HAGH: variants seen among roughly 807,000 people sequenced by gnomAD.
The protein encoded by HAGH is hydroxyacylglutathione hydrolase, also known as hydroxyacylglutathione hydrolase, mitochondrial.
In HAGH, 29 loss-of-function variants were observed where a neutral mutation model predicts 35.1. The observed-to-expected ratio is 0.83, with a 90% CI of 0.62 to 1.13. The LOEUF is 1.13. Among genes scored for constraint, HAGH ranks in the 50% most tolerant of loss-of-function variants. The pLI, the probability that HAGH is intolerant of heterozygous loss-of-function variation, is 0.00. For synonymous variants in HAGH, 225 were observed against 176.1 expected (o/e 1.28, Z -2.20); for missense variants, 478 against 419.6 (o/e 1.14, Z -1.22).
At chr16:1,812,198 CAAAA>C (rs763735556) in intron 7 of HAGH, among the ~76,000 whole-genome samples, 4 of 110,652 alleles carry the variant, frequency 3.6e-5, no homozygotes, top group Non-Finnish European at 3.5e-5. Context: ...TCTCCCCAAC[CAAAA>C]AAAAAAAAAA....
intron 7 of HAGH, among the ~76,000 whole-genome samples, chr16:1,813,197 C>A (rs551769363): frequency 6.6e-6 from 1 of 152,326 alleles, no homozygotes; most frequent in East Asian, 1.9e-4. Flanking sequence ...TTAGTTCCCA[C>A]AGGATCTGGT....
intron 3 of HAGH, chr16:1,822,002 A>G (rs1898173512): frequency 5.6e-6 from 2 of 356,530 alleles, no homozygotes. Context: ...TTCCTCCCCA[A>G]CATTGAGGCC....
chr16:1,818,483 T>G (rs1431102963), intron 5 of HAGH: 1 of 152,342 alleles, frequency 6.6e-6, no homozygotes, highest in Non-Finnish European at 1.5e-5. Context: ...GGTTCAAGGC[T>G]GGGGCTGCCA....
At chr16:1,827,016 C>A (rs1318835877), upstream of HAGH, 3 of 704,430 alleles carry the variant, frequency 4.3e-6, no homozygotes, top group Non-Finnish European at 6.6e-6. Context: ...CCGAGAGCTG[C>A]GCCGGGAGAG....
At chr16:1,822,272 A>T (rs1399312452) in intron 3 of HAGH, 28 bp downstream of exon 3, 1 of 1,521,704 alleles carries the variant, frequency 6.6e-7, no homozygotes, top group Non-Finnish European at 9.1e-7. Flanking sequence ...GCCAGGTCCC[A>T]CACCCCCAGG....
chr16:1,822,956 A>G lies in HAGH; in HGVS notation c.158T>C (p.Val53Ala), dbSNP rs1242607651. 1.2e-6 allele frequency: 2 copies of G among 1,613,366 alleles called. No homozygotes were observed. Among genetic ancestry groups the G allele is most frequent in the Non-Finnish European group, 1.7e-6 (2 of 1,179,572 alleles). ...TVDEGTMKVE[V>A]LPALTDNYMY... ...GTAGTTGTCGGTCAGGGCAGGCAGC[A>G]CCTCTACCTTCATGGTGCCCTCGTC... The change falls in exon 2 of 9, where the codon GTG becomes GCG. Residue 53 changes from valine (V) to alanine (A), a missense_variant. Physicochemically the swap from Val to Ala is moderately conservative, Grantham distance 64. Coordinates refer to ENST00000397356, the MANE Select transcript of HAGH (RefSeq NM_005326.6).
chr16:1,824,219 CA>C (rs1167533010), intron 1 of HAGH, among the ~76,000 whole-genome samples: 10,971 of 139,882 alleles, frequency 0.078, 420 homozygotes, highest in South Asian at 0.16. Context: ...GAGACAGTCT[CA>C]AAAAAAAAAA....
In HAGH at chr16:1,809,041, A is replaced by C; in HGVS notation, c.*242T>G. On this transcript the variant is annotated 3_prime_UTR_variant, in exon 9 of 9. Coordinates refer to ENST00000397356, the MANE Select transcript of HAGH (RefSeq NM_005326.6). The stretch of plus-strand genomic sequence containing the variant: ...GACTGCAGTGGCTCACGGAGGAGGA[A>C]GGAGGCCCGAGGGGACAAGCAGAGG... 2.1e-6 allele frequency: 1 copy of C among 467,086 alleles called. No individual in the cohort carries two copies. The highest frequency in any genetic ancestry group is 3.8e-6 in the Non-Finnish European group (1 of 260,616). The allele number at this position is 467,086 out of a possible 1,614,324, so 28.9% of individuals were successfully genotyped here.
chr16:1,814,349 C>A (rs1897792057), intron 7 of HAGH, among the ~76,000 whole-genome samples: 1 of 151,896 alleles, frequency 6.6e-6, no homozygotes, highest in Admixed American at 6.6e-5. Flanking sequence ...TGGTGCATGC[C>A]TGTAATCCCA....
At chr16:1,824,019 C>G (rs982437984) in intron 1 of HAGH, among the ~76,000 whole-genome samples, 5 of 152,136 alleles carry the variant, frequency 3.3e-5, no homozygotes, top group African/African-American at 1.2e-4. Context: ...CATCTGCCCT[C>G]CAGCAAGCTG....
intron 2 of HAGH, 107 bp from the exon 3 acceptor site, chr16:1,822,471 C>G (rs376727081): frequency 2.3e-6 from 2 of 874,326 alleles, no homozygotes; most frequent in Admixed American, 1.7e-5. Context: ...CATGAGGGGC[C>G]GCTGACATGG....
chr16:1,810,045 G>A (rs1897569847), intron 7 of HAGH: 1 of 570,118 alleles, frequency 1.8e-6, no homozygotes, highest in Non-Finnish European at 3.2e-6. Flanking sequence ...GGCACCTGTG[G>A]TCCCAGCTAC....
At chr16:1,826,044 G>A (rs967153849) in intron 1 of HAGH, among the ~76,000 whole-genome samples, 2 of 152,186 alleles carry the variant, frequency 1.3e-5, no homozygotes, top group Non-Finnish European at 2.9e-5. Context: ...TAATTCTGAG[G>A]ACCTCAAAAT....
chr16:1,813,795 A>C (rs1168132671), intron 7 of HAGH, among the ~76,000 whole-genome samples: 1 of 152,230 alleles, frequency 6.6e-6, no homozygotes, highest in East Asian at 1.9e-4. Flanking sequence ...TACCAGTGCC[A>C]AGACTCAGCA....
At chr16:1,826,911 C>T, upstream of HAGH, 1 of 691,082 alleles carries the variant, frequency 1.4e-6, no homozygotes, top group Non-Finnish European at 2.2e-6. Flanking sequence ...TCGCACCGTC[C>T]GCCAACCAAT....
At position 1,807,678 on chromosome 16, in the gene HAGH, G is replaced by A. The variant is rs1204093369; in HGVS notation, c.*1605C>T. 6.6e-6 allele frequency: 1 copy of A among 152,238 alleles called. No individual in the cohort carries two copies. Among genetic ancestry groups the A allele is most frequent in the African/African-American group, 2.4e-5 (1 of 41,462 alleles). The allele number at this position is 152,238 out of a possible 1,614,324, so 9.4% of individuals were successfully genotyped here. ...AGATTCTGGCCTAAGAATATTTGCT[G>A]AACAATAGAACAAACTCTTTGCGCT... On this transcript the variant is annotated 3_prime_UTR_variant, in exon 9 of 9. Coordinates refer to ENST00000397356, the MANE Select transcript of HAGH (RefSeq NM_005326.6).
chr16:1,822,461 C>A, intron 2 of HAGH, 97 bp from the exon 3 acceptor site: 1 of 930,964 alleles, frequency 1.1e-6, no homozygotes, highest in Non-Finnish European at 1.7e-6. Context: ...CAGGACACGC[C>A]ATGAGGGGCC....
Position 1,817,266 on chromosome 16 carries a change from T to C in HAGH, c.547A>G (p.Thr183Ala), listed in dbSNP as rs545748360. The C allele has an allele frequency of 1.0e-4, 164 of 1,608,020 alleles. 1 individual carries two copies. The South Asian group carries it at 1.7e-3, about 17-fold the overall frequency. ...SEPPAVFTGD[T>A]LFVAGCGKFY... ...TTCCCGCAGCCAGCCACAAACAAGG[T>C]GTCACCTGGAAACAAGGACAGCCAC... The change falls in exon 6 of 9, where the codon ACC becomes GCC. Residue 183 changes from threonine (T) to alanine (A), a missense_variant. By Grantham distance (58) the Thr-to-Ala change is moderately conservative. Transcript: ENST00000397356.
At chr16:1,818,309 T>C (rs1318230732) in intron 5 of HAGH, among the ~76,000 whole-genome samples, 1 of 152,128 alleles carries the variant, frequency 6.6e-6, no homozygotes, top group Non-Finnish European at 1.5e-5. Context: ...CCCCCAGCCC[T>C]GCGCACTGCA....
Sources: allele counts gnomAD v4.1 joint callset (sites outside exome capture counted in the v4.1 genomes callset), GRCh38; gene constraint gnomAD v4.1.1; transcripts MANE v1.5; gene names NCBI Gene and HGNC (gene_info 2026-07-23, HGNC 2026-07-21).